Variants in WARS2 observed in about 807,000 individuals in gnomAD.
The protein encoded by WARS2 is tryptophan--tRNA ligase, mitochondrial.
In WARS2, 28 loss-of-function variants were observed where a neutral mutation model predicts 36.5. That is an observed-to-expected ratio of 0.77 (90% CI 0.57 to 1.05). The LOEUF (loss-of-function observed/expected upper bound fraction) is 1.05. Among genes scored for constraint, WARS2 ranks in the 50% least tolerant of loss-of-function variants. The pLI is 0.00. For synonymous variants in WARS2, 174 were observed against 178.4 expected (o/e 0.98, Z 0.20); for missense variants, 435 against 456.8 (o/e 0.95, Z 0.44).
intron 3 of WARS2, 23 bp from the exon 4 acceptor site, chr1:119,042,372 A>C (rs1490488640): frequency 6.2e-7 from 1 of 1,609,582 alleles, no homozygotes. Flanking sequence ...AAAAGAGAGG[A>C]GGGGAAGAAA....
intron 1 of WARS2, among the ~76,000 whole-genome samples, chr1:119,110,170 T>G (rs1654531088): frequency 6.6e-6 from 1 of 152,030 alleles, no homozygotes; most frequent in Non-Finnish European, 1.5e-5. Flanking sequence ...TTAGCTAAAT[T>G]AGGAATAAGA....
intron 1 of WARS2, among the ~76,000 whole-genome samples, chr1:119,104,137 A>T (rs1654075164): frequency 6.6e-6 from 1 of 150,910 alleles, no homozygotes; most frequent in African/African-American, 2.4e-5. Context: ...CACTTTCCAT[A>T]TTTCCATATA....
At chr1:119,100,573 A>C (rs148251412) in intron 1 of WARS2, among the ~76,000 whole-genome samples, 1 of 152,222 alleles carries the variant, frequency 6.6e-6, no homozygotes, top group Non-Finnish European at 1.5e-5. Flanking sequence ...GGATAAAGAA[A>C]ATGTGTACAT....
intron 1 of WARS2, among the ~76,000 whole-genome samples, chr1:119,126,188 C>T (rs908627563): frequency 1.3e-5 from 2 of 151,264 alleles, no homozygotes; most frequent in Non-Finnish European, 2.9e-5. Context: ...GTCCCAATAG[C>T]CAAGACAAAA....
At chr1:119,135,306 T>G (rs1656407341) in intron 1 of WARS2, among the ~76,000 whole-genome samples, 1 of 151,964 alleles carries the variant, frequency 6.6e-6, no homozygotes, top group Non-Finnish European at 1.5e-5. Flanking sequence ...GGTTGTGGAG[T>G]GGGGCGGGTA....
chr1:119,040,906 GTTCTAGCCTTT>G (rs1327816870), intron 4 of WARS2, among the ~76,000 whole-genome samples: 38 of 152,074 alleles, frequency 2.5e-4, no homozygotes, highest in African/African-American at 9.2e-4. Flanking sequence ...GGAGAATATT[GTTCTAGCCTTT>G]TAAATAAGTC....
At chr1:119,132,108 G>T (rs1186283024) in intron 1 of WARS2, among the ~76,000 whole-genome samples, 1 of 152,096 alleles carries the variant, frequency 6.6e-6, no homozygotes, top group Non-Finnish European at 1.5e-5. Context: ...AATGTGAGGA[G>T]TATTATTAAC....
chr1:119,093,618 G>A (rs587674489), intron 1 of WARS2, among the ~76,000 whole-genome samples: 5 of 152,052 alleles, frequency 3.3e-5, no homozygotes, highest in East Asian at 3.9e-4. Context: ...AGCCACCAGC[G>A]GCTAGGAAGA....
intron 1 of WARS2, chr1:119,085,108 G>A (rs1418139338): frequency 7.7e-6 from 6 of 778,784 alleles, no homozygotes; most frequent in South Asian, 2.7e-5. Context: ...CTATGACTAC[G>A]CCCTTCAGAA....
intron 1 of WARS2, among the ~76,000 whole-genome samples, chr1:119,088,721 A>C (rs1052566529): frequency 2.6e-5 from 4 of 152,216 alleles, no homozygotes; most frequent in African/African-American, 9.6e-5. Flanking sequence ...AGGTAGACTT[A>C]CTTGGCAAAG....
chr1:119,043,785 G>A (rs1648568131), intron 3 of WARS2, among the ~76,000 whole-genome samples: 1 of 152,164 alleles, frequency 6.6e-6, no homozygotes, highest in African/African-American at 2.4e-5. Context: ...ACAAGGGAGA[G>A]GGAAAATGTG....
intron 2 of WARS2, among the ~76,000 whole-genome samples, chr1:119,048,809 T>TA (rs1347123825): frequency 7.3e-6 from 1 of 136,378 alleles, no homozygotes; most frequent in Non-Finnish European, 1.6e-5. Flanking sequence ...CTCACGCCTG[T>TA]AATCATCACT....
intron 1 of WARS2, among the ~76,000 whole-genome samples, chr1:119,079,469 T>C (rs1652026674): frequency 6.6e-6 from 1 of 152,158 alleles, no homozygotes; most frequent in African/African-American, 2.4e-5. Flanking sequence ...CTGCAATTGC[T>C]GGTTGGGGTT....
intron 2 of WARS2, among the ~76,000 whole-genome samples, chr1:119,058,203 C>T (rs1319283350): frequency 6.6e-6 from 1 of 152,108 alleles, no homozygotes; most frequent in East Asian, 1.9e-4. Flanking sequence ...AGACCTAACA[C>T]CCTCTGCTGA....
intron 5 of WARS2, 111 bp from the exon 6 acceptor site, chr1:119,033,470 T>G: frequency 7.1e-7 from 1 of 1,416,620 alleles, no homozygotes; most frequent in Non-Finnish European, 9.7e-7. Flanking sequence ...ATTATGATTT[T>G]TCAACTTTAC....
At chr1:119,039,442 G>C (rs1648165562) in intron 4 of WARS2, among the ~76,000 whole-genome samples, 1 of 152,088 alleles carries the variant, frequency 6.6e-6, no homozygotes, top group African/African-American at 2.4e-5. Context: ...GAGAAAAAGA[G>C]AGAGAGAGAG....
rs1647414158 is a variant in WARS2, at chr1:119,031,372, G to A, written c.*1539C>T. On this transcript the variant is annotated 3_prime_UTR_variant, in exon 6 of 6. Coordinates refer to ENST00000235521, the MANE Select transcript of WARS2 (RefSeq NM_015836.4). Reference sequence around the variant, plus strand: ...CCCATTCCAGTATAAGATACAAAAGGCAAAATGTTTCCTTTACCCATGATC... The same window carrying A: ...CCCATTCCAGTATAAGATACAAAAGACAAAATGTTTCCTTTACCCATGATC... 1 of 152,094 alleles carries A rather than the reference G, an allele frequency of 6.6e-6. No individual in the cohort carries two copies. Among genetic ancestry groups the A allele is most frequent in the Admixed American group, 6.6e-5 (1 of 15,260 alleles). 9.4% of individuals were successfully genotyped at this position (152,094 alleles called of 1,614,324 possible).
intron 4 of WARS2, among the ~76,000 whole-genome samples, chr1:119,038,454 C>A (rs1648058314): frequency 6.6e-6 from 1 of 152,124 alleles, no homozygotes; most frequent in African/African-American, 2.4e-5. Flanking sequence ...AATAATAATA[C>A]AAAGCTCTCA....
chr1:119,038,771 C>T (rs1648086539), intron 4 of WARS2, among the ~76,000 whole-genome samples: 1 of 152,208 alleles, frequency 6.6e-6, no homozygotes, highest in Non-Finnish European at 1.5e-5. Flanking sequence ...GCCTCCTCCT[C>T]CCGGATTCAG....
Sources: gnomAD v4.1 joint callset for allele counts (sites outside exome capture counted in the v4.1 genomes callset) on GRCh38, gnomAD v4.1.1 for gene constraint, MANE v1.5 for transcripts, NCBI Gene and HGNC (gene_info 2026-07-23, HGNC 2026-07-21) for gene names.